Variants in POLR2C observed in about 807,000 individuals in gnomAD.
POLR2C encodes the protein DNA-directed RNA polymerase II subunit RPB3.
Under a neutral mutation model 41.7 loss-of-function variants are expected in POLR2C, and 36 were observed. The observed-to-expected ratio is 0.86, with a 90% CI of 0.66 to 1.14. POLR2C has a LOEUF of 1.14. Ranked by LOEUF, POLR2C falls within the 50% of genes most tolerant of loss-of-function variation. The probability of loss-of-function intolerance (pLI) is 0.00; values close to 1 mark genes in which losing one functional copy is unlikely to be tolerated. For synonymous variants in POLR2C, 133 were observed against 137.8 expected (o/e 0.96, Z 0.25); for missense variants, 260 against 350.4 (o/e 0.74, Z 2.06).
At chr16:57,464,020 T>A (rs2030644941) in intron 2 of POLR2C, 1 of 160,946 alleles carries the variant, frequency 6.2e-6, no homozygotes, top group Non-Finnish European at 1.4e-5. Flanking sequence ...CGTTCGTTCT[T>A]ATGGCTGCAT....
At position 57,462,699 on chromosome 16, in the gene POLR2C, G is replaced by C; in HGVS notation, c.-26G>C. On this transcript the variant is annotated 5_prime_UTR_variant, in exon 1 of 9. Transcript: ENST00000219252. ...GCCGCGCAGTCACCGCGGAGCAGAC[G>C]CGGAGGCTGGTGGCCCCTGGGCGAG... The C allele has an allele frequency of 6.4e-7, 1 of 1,559,464 alleles. No homozygotes were observed. The highest frequency in any genetic ancestry group is 8.7e-7 in the Non-Finnish European group (1 of 1,146,946).
In POLR2C at chr16:57,469,449, T is replaced by A. The variant is rs2030777199; in HGVS notation, c.387+156T>A. On this transcript the variant is annotated intron_variant, in intron 5 of 8. Transcript: ENST00000219252. This position sits in a 1 kb window ranked among gnomAD's most constrained non-coding sequence, Gnocchi z 5.8. Reference sequence around the variant, plus strand: ...CCTAGAAGTGCTAATTCTGGATTCCTCTTGGGCATCGTTAGCATCGTTGGT... The same window carrying A: ...CCTAGAAGTGCTAATTCTGGATTCCACTTGGGCATCGTTAGCATCGTTGGT... The A allele has an allele frequency of 2.4e-6, 2 of 847,834 alleles. No individual in the cohort carries two copies. Among genetic ancestry groups the A allele is most frequent in the Admixed American group, 2.1e-5 (1 of 48,054 alleles). 52.5% of individuals were successfully genotyped at this position (847,834 alleles called of 1,614,324 possible).
chr16:57,467,543 TC>T (rs1384580880), intron 4 of POLR2C, among the ~76,000 whole-genome samples: 1 of 152,180 alleles, frequency 6.6e-6, no homozygotes. Flanking sequence ...TCTGGCTTTT[TC>T]TGAAAATCTG....
At chr16:57,466,315 T>C (rs2030707554) in intron 4 of POLR2C, 88 bp downstream of exon 4, 5 of 837,026 alleles carry the variant, frequency 6.0e-6, no homozygotes, top group East Asian at 2.4e-5. Context: ...GCATCCAGCT[T>C]GAATACTGTT....
chr16:57,469,608 C>A lies in POLR2C; in HGVS notation c.388-102C>A. ...GCCACCACCTCGTCAGGTGTTCGTT[C>A]CCTGGTTGACAGATTGCAGTCTAGA... On this transcript the variant is annotated intron_variant, in intron 5 of 8. Transcript: ENST00000219252. This position sits in a 1 kb window ranked among gnomAD's most constrained non-coding sequence, Gnocchi z 5.8. 1 of 1,019,688 alleles carries A rather than the reference C, an allele frequency of 9.8e-7. No homozygotes were observed. The highest frequency in any genetic ancestry group is 1.5e-6 in the Non-Finnish European group (1 of 646,026). The allele number at this position is 1,019,688 out of a possible 1,614,324, so 63.2% of individuals were successfully genotyped here. A position where few individuals can be genotyped will look rare whatever the true frequency, so the allele number is the denominator to read the frequency against.
intron 4 of POLR2C, among the ~76,000 whole-genome samples, chr16:57,467,764 G>C (rs1324470694): frequency 6.6e-6 from 1 of 152,126 alleles, no homozygotes; most frequent in Non-Finnish European, 1.5e-5. Flanking sequence ...TTGTGCCTAA[G>C]AAAGTTAGCA....
rs1169102800 is a variant in POLR2C at position 57,471,134 on chromosome 16, C to T, written c.*15C>T. The T allele has an allele frequency of 1.9e-6, 3 of 1,611,540 alleles. No individual in the cohort carries two copies. The African/African-American group carries it at 4.0e-5, about 22-fold the overall frequency. ...CCATAAATTAACTGCAGCTTGCCTG[C>T]TTCAGCAAAAACGGAGATTCAGGCC... On this transcript the variant is annotated 3_prime_UTR_variant, in exon 9 of 9. Transcript: ENST00000219252.
chr16:57,462,927 G>C, intron 1 of POLR2C, 102 bp from the exon 2 acceptor site: 1 of 1,254,612 alleles, frequency 8.0e-7, no homozygotes, highest in South Asian at 1.3e-5. Flanking sequence ...TCCTTCCAGA[G>C]CTGCCCCCCT....
At position 57,469,430 on chromosome 16, in the gene POLR2C, A is replaced by G. The variant is rs140358592; in HGVS notation, c.387+137A>G. On this transcript the variant is annotated intron_variant, in intron 5 of 8. Coordinates refer to ENST00000219252, the MANE Select transcript of POLR2C (RefSeq NM_032940.3). This position sits in a 1 kb window ranked among gnomAD's most constrained non-coding sequence, Gnocchi z 5.8. ...CCTCTGCCTTAATCTGATCCCTAGA[A>G]GTGCTAATTCTGGATTCCTCTTGGG... is the stretch of plus-strand genomic sequence containing the variant. The G allele has an allele frequency of 9.2e-6, 9 of 976,500 alleles. No homozygotes were observed. The East Asian group carries it at 2.3e-4, about 25-fold the overall frequency. 60.5% of individuals were successfully genotyped at this position (976,500 alleles called of 1,614,324 possible).
rs770805097 is a variant in POLR2C at position 57,469,237 on chromosome 16, C to G, written c.331C>G (p.Gln111Glu). ...CCTCGATGTGCGGTGCAATGAAGAC[C>G]AGACGCGACATGTCACGTCTCGAGA... is the stretch of plus-strand genomic sequence containing the variant. ...FTLDVRCNED[Q>E]TRHVTSRDLI... Residue 111 changes from glutamine to glutamate, a missense_variant, in exon 5 of 9, where the codon CAG (glutamine) becomes GAG (glutamate). Physicochemically the swap from Gln to Glu is conservative, Grantham distance 29. Transcript: ENST00000219252. This position sits in a 1 kb window ranked among gnomAD's most constrained non-coding sequence, Gnocchi z 5.8. The G allele has an allele frequency of 1.2e-6, 2 of 1,614,140 alleles. No individual in the cohort carries two copies. Among genetic ancestry groups the G allele is most frequent in the Non-Finnish European group, 8.5e-7 (1 of 1,179,972 alleles).
intron 8 of POLR2C, 184 bp downstream of exon 8, chr16:57,470,538 G>T: frequency 1.7e-6 from 1 of 577,416 alleles, no homozygotes; most frequent in Non-Finnish European, 3.1e-6. Flanking sequence ...AGCCCCTTTT[G>T]GTCACTGACA....
In POLR2C at chr16:57,471,594, C is replaced by T. The variant is rs1449358187; in HGVS notation, c.*475C>T. On this transcript the variant is annotated 3_prime_UTR_variant, in exon 9 of 9. Transcript: ENST00000219252. ...CTGGCCTGCTAGCGCTTCAAATTCC[C>T]AGGTGTCCCTAATTTGAGAAGTAAC... 6.5e-6 allele frequency: 1 copy of T among 154,922 alleles called. No individual in the cohort carries two copies. The highest frequency in any genetic ancestry group is 1.4e-5 in the Non-Finnish European group (1 of 69,808). The allele number at this position is 154,922 out of a possible 1,614,324, so 9.6% of individuals were successfully genotyped here.
At chr16:57,462,842 C>G in intron 1 of POLR2C, 32 bp downstream of exon 1, 1 of 1,344,354 alleles carries the variant, frequency 7.4e-7, no homozygotes, top group Non-Finnish European at 9.9e-7. Flanking sequence ...GCTGGCGGCT[C>G]TGGGGCGCCG....
In POLR2C at chr16:57,471,756, T is replaced by TGGGGGTGGGGGG. The variant is rs1567585199; in HGVS notation, c.*645_*646insGGGGGGGGGTGG. 1.9e-4 allele frequency: 3 copies of TGGGGGTGGGGGG among 15,582 alleles called. No homozygotes were observed. Among genetic ancestry groups the TGGGGGTGGGGGG allele is most frequent in the African/African-American group, 6.2e-4 (2 of 3,216 alleles). 1.0% of individuals were successfully genotyped at this position (15,582 alleles called of 1,614,324 possible). A position where few individuals can be genotyped will look rare whatever the true frequency, so the allele number is the denominator to read the frequency against. On this transcript the variant is annotated 3_prime_UTR_variant, in exon 9 of 9. Transcript: ENST00000219252. ...AGTTTGGTGGGGGTGGGGGTGGGGGTGGGGGTGGAAGCAGCCGCAGGAGCA... is the reference window on the plus strand; with the variant it reads ...AGTTTGGTGGGGGTGGGGGTGGGGGTGGGGGTGGGGGGGGGGGTGGAAGCAGCCGCAGGAGCA...
chr16:57,468,624 G>A (rs1247874519), intron 4 of POLR2C, among the ~76,000 whole-genome samples: 4 of 152,214 alleles, frequency 2.6e-5, no homozygotes, highest in Non-Finnish European at 5.9e-5. Context: ...TGATGGTTAT[G>A]GGATGGCAGT....
rs1284081755 is a variant in POLR2C at position 57,463,201 on chromosome 16, G to T, written c.136+123G>T. The T allele has an allele frequency of 2.4e-6, 2 of 842,822 alleles. 1 individual carries two copies. The highest frequency in any genetic ancestry group is 2.8e-5 in the South Asian group (2 of 70,996). The allele number at this position is 842,822 out of a possible 1,614,324, so 52.2% of individuals were successfully genotyped here. A position where few individuals can be genotyped will look rare whatever the true frequency, so the allele number is the denominator to read the frequency against. ...TGAGGGTGGTAGTGCTGAGAAAAGT[G>T]CATTGCTGGAGACTTGACCATACCC... On this transcript the variant is annotated intron_variant, in intron 2 of 8. Transcript: ENST00000219252.
chr16:57,467,441 G>A (rs571583294), intron 4 of POLR2C, among the ~76,000 whole-genome samples: 1 of 152,240 alleles, frequency 6.6e-6, no homozygotes, highest in African/African-American at 2.4e-5. Flanking sequence ...CTTACATAAA[G>A]ATACGCATGC....
intron 2 of POLR2C, chr16:57,463,771 C>G (rs1458369616): frequency 5.5e-6 from 2 of 362,094 alleles, no homozygotes; most frequent in South Asian, 3.9e-5. Context: ...GGGGAAAGCC[C>G]GCCTCTACTA....
intron 2 of POLR2C, 54 bp from the exon 3 acceptor site, chr16:57,465,899 G>A (rs2030694915): frequency 5.5e-6 from 6 of 1,086,770 alleles, no homozygotes; most frequent in Non-Finnish European, 8.6e-6. Context: ...ACTGCATTAA[G>A]TCTGTAGGTA....
Sources: gnomAD v4.1 joint callset for allele counts (sites outside exome capture counted in the v4.1 genomes callset) on GRCh38, gnomAD v4.1.1 for gene constraint, Gnocchi (gnomAD v3.1) non-coding constraint, MANE v1.5 for transcripts, NCBI Gene and HGNC (gene_info 2026-07-23, HGNC 2026-07-21) for gene names.